GALNT17: variants seen among roughly 807,000 people sequenced by gnomAD.
GALNT17 encodes polypeptide N-acetylgalactosaminyltransferase 17.
A neutral mutation model predicts 63.7 loss-of-function variants in GALNT17; 29 were observed. The observed-to-expected ratio is 0.46, with a 90% CI of 0.34 to 0.62. The LOEUF is 0.62. Among genes scored for constraint, GALNT17 ranks in the 20% least tolerant of loss-of-function variants. The pLI, the probability that GALNT17 is intolerant of heterozygous loss-of-function variation, is 0.01. For synonymous variants in GALNT17, 305 were observed against 318.3 expected (o/e 0.96, Z 0.45); for missense variants, 603 against 799.6 (o/e 0.75, Z 2.97).
intron 6 of GALNT17, among the ~76,000 whole-genome samples, chr7:71,577,749 C>A (rs866984372): frequency 1.3e-5 from 2 of 152,146 alleles, no homozygotes; most frequent in East Asian, 1.9e-4. Flanking sequence ...AACCCAGATG[C>A]CTTAATTGCT....
intron 2 of GALNT17, among the ~76,000 whole-genome samples, chr7:71,374,308 A>G (rs1161532212): frequency 6.6e-6 from 1 of 152,222 alleles, no homozygotes; most frequent in African/African-American, 2.4e-5. Context: ...GAGGAATCCT[A>G]CATGACTGGC....
intron 5 of GALNT17, among the ~76,000 whole-genome samples, chr7:71,469,153 G>C (rs1390228787): frequency 6.6e-6 from 1 of 152,056 alleles, no homozygotes; most frequent in African/African-American, 2.4e-5. Flanking sequence ...GAAAGGGTGG[G>C]GTATGTGAAG....
intron 1 of GALNT17, among the ~76,000 whole-genome samples, chr7:71,223,477 AG>A (rs1406026459): frequency 6.6e-6 from 1 of 151,552 alleles, no homozygotes; most frequent in Non-Finnish European, 1.5e-5. Context: ...GAACTCTTTC[AG>A]GTTGGCTTCT....
chr7:71,365,789 A>G (rs1361687143), intron 2 of GALNT17, among the ~76,000 whole-genome samples: 3 of 151,570 alleles, frequency 2.0e-5, no homozygotes. Context: ...ATGGAAGACA[A>G]TTTTTCTATG....
chr7:71,208,942 A>G (rs1011893894), intron 1 of GALNT17, among the ~76,000 whole-genome samples: 2 of 152,144 alleles, frequency 1.3e-5, no homozygotes, highest in African/African-American at 2.4e-5. Context: ...TGATTAGGTT[A>G]GGGGTTGGCA....
intron 1 of GALNT17, among the ~76,000 whole-genome samples, chr7:71,303,370 G>T (rs535250989): frequency 6.6e-6 from 1 of 152,000 alleles, no homozygotes; most frequent in African/African-American, 2.4e-5. Flanking sequence ...GTCCAGGCTG[G>T]TATTTATATC....
chr7:71,440,718 C>T (rs1022491096), intron 5 of GALNT17, among the ~76,000 whole-genome samples: 3 of 152,102 alleles, frequency 2.0e-5, no homozygotes, highest in East Asian at 1.9e-4. Context: ...TGGTCCTCCA[C>T]GAATTATTAT....
chr7:71,286,367 G>A (rs537064507), intron 1 of GALNT17, among the ~76,000 whole-genome samples: 15 of 152,174 alleles, frequency 9.9e-5, no homozygotes, highest in Non-Finnish European at 1.5e-4. Context: ...CATTGAAATA[G>A]GCATTAAGAA....
In GALNT17 at chr7:71,563,795, C is replaced by G. The variant is rs1314061006; in HGVS notation, c.963-7490C>G. Among the ~76,000 whole-genome samples, 3 of 152,100 alleles carry G rather than the reference C, an allele frequency of 2.0e-5. No homozygotes were observed. The South Asian group carries it at 6.2e-4, about 32-fold the overall frequency. On this transcript the variant is annotated intron_variant, in intron 5 of 10. Coordinates refer to ENST00000333538, the MANE Select transcript of GALNT17 (RefSeq NM_022479.3). The stretch of plus-strand genomic sequence containing the variant: ...GTCTCGCTATGTTGCCCAGGCTGGC[C>G]TCAAACTCCTTAGCTCAAGCAGTCC...
At chr7:71,184,242 A>G (rs1046815081) in intron 1 of GALNT17, among the ~76,000 whole-genome samples, 1 of 152,090 alleles carries the variant, frequency 6.6e-6, no homozygotes, top group African/African-American at 2.4e-5. Flanking sequence ...CTGTGAGAAG[A>G]TACATTTCTG....
At position 71,520,522 on chromosome 7, in the gene GALNT17, C is replaced by CA. The variant is rs931801390; in HGVS notation, c.963-50753dup. Among the ~76,000 whole-genome samples, 1,083 of 142,410 alleles carry CA rather than the reference C, an allele frequency of 7.6e-3. 11 individuals are homozygous for CA. Among genetic ancestry groups the CA allele is most frequent in the African/African-American group, 0.024 (919 of 38,628 alleles). 93.4% of individuals were successfully genotyped at this position (142,410 alleles called of 152,430 possible). A position where few individuals can be genotyped will look rare whatever the true frequency, so the allele number is the denominator to read the frequency against. ...TGGGCAACAGAGTGAGACTCCGTCT[C>CA]AAAAAAAAAAGAAAAAACAGAAGGT... On this transcript the variant is annotated intron_variant, in intron 5 of 10. Coordinates refer to ENST00000333538, the MANE Select transcript of GALNT17 (RefSeq NM_022479.3).
intron 9 of GALNT17, among the ~76,000 whole-genome samples, chr7:71,702,752 A>G (rs1791670620): frequency 6.6e-6 from 1 of 152,196 alleles, no homozygotes; most frequent in Non-Finnish European, 1.5e-5. Flanking sequence ...TTGGCTTAGA[A>G]CAGGGAGGTA....
intron 1 of GALNT17, among the ~76,000 whole-genome samples, chr7:71,301,786 G>A (rs958406140): frequency 6.6e-6 from 1 of 152,156 alleles, no homozygotes; most frequent in African/African-American, 2.4e-5. Context: ...AATGAATAAT[G>A]TAAAGGATAG....
chr7:71,178,015 T>C (rs1788669407), intron 1 of GALNT17, among the ~76,000 whole-genome samples: 2 of 152,174 alleles, frequency 1.3e-5, no homozygotes, highest in Non-Finnish European at 2.9e-5. Context: ...TGGTATTCAC[T>C]CCCTCCTGTA....
At chr7:71,176,874 T>C (rs1359586836) in intron 1 of GALNT17, among the ~76,000 whole-genome samples, 1 of 152,198 alleles carries the variant, frequency 6.6e-6, no homozygotes, top group African/African-American at 2.4e-5. Flanking sequence ...TTTGAGCACT[T>C]ACGGTATGCT....
chr7:71,149,438 C>T (rs1788091582), intron 1 of GALNT17, among the ~76,000 whole-genome samples: 1 of 152,030 alleles, frequency 6.6e-6, no homozygotes, highest in South Asian at 2.1e-4. Context: ...GGGATTGAGT[C>T]TTGCTCGGTT....
chr7:71,558,792 A>C (rs1313434398), intron 5 of GALNT17, among the ~76,000 whole-genome samples: 2 of 152,212 alleles, frequency 1.3e-5, no homozygotes, highest in South Asian at 4.1e-4. Context: ...CTTATAGGGA[A>C]TATCTTACTA....
At chr7:71,242,376 C>A (rs1417048269) in intron 1 of GALNT17, among the ~76,000 whole-genome samples, 1 of 147,694 alleles carries the variant, frequency 6.8e-6, no homozygotes, top group Non-Finnish European at 1.5e-5. Context: ...TTCACGCATT[C>A]TCCTGCTTCA....
At chr7:71,297,975 A>G (rs1791112975) in intron 1 of GALNT17, among the ~76,000 whole-genome samples, 1 of 152,148 alleles carries the variant, frequency 6.6e-6, no homozygotes, top group South Asian at 2.1e-4. Flanking sequence ...GTAGCTACAC[A>G]ACAGATGTTT....
Sources: allele counts gnomAD v4.1 joint callset (sites outside exome capture counted in the v4.1 genomes callset), GRCh38; gene constraint gnomAD v4.1.1; transcripts MANE v1.5; gene names NCBI Gene and HGNC (gene_info 2026-07-23, HGNC 2026-07-21).